YAP1: variants seen among roughly 807,000 people sequenced by gnomAD.
YAP1 encodes transcriptional coactivator YAP1.
YAP1 carries 5 observed loss-of-function variants against 56.9 expected under a neutral mutation model. The observed-to-expected ratio is 0.09, with a 90% CI of 0.05 to 0.18. The LOEUF is 0.18. Among genes scored for constraint, YAP1 ranks in the 10% least tolerant of loss-of-function variants. The pLI, the probability that YAP1 is intolerant of heterozygous loss-of-function variation, is 1.00. For missense variants in YAP1, 539 were observed against 651.8 expected (o/e 0.83, Z 1.88); for synonymous variants, 265 against 248.1 (o/e 1.07, Z -0.64).
intron 3 of YAP1, among the ~76,000 whole-genome samples, chr11:102,185,172 G>A (rs938997394): frequency 6.6e-6 from 1 of 152,160 alleles, no homozygotes; most frequent in African/African-American, 2.4e-5. Context: ...GAGGGACAAG[G>A]AAATCAGGAA....
At chr11:102,195,933 G>A (rs2135551381) in intron 4 of YAP1, among the ~76,000 whole-genome samples, 1 of 152,294 alleles carries the variant, frequency 6.6e-6, no homozygotes, top group East Asian at 1.9e-4. Context: ...GTTAGAGCAG[G>A]TGAACTGTCC....
At chr11:102,189,492 A>G (rs1948163269) in intron 4 of YAP1, among the ~76,000 whole-genome samples, 1 of 152,202 alleles carries the variant, frequency 6.6e-6, no homozygotes, top group Non-Finnish European at 1.5e-5. Context: ...GGATAAAAAT[A>G]TTTGGTGTAA....
intron 6 of YAP1, among the ~76,000 whole-genome samples, chr11:102,217,780 C>T (rs994092775): frequency 6.6e-6 from 1 of 151,954 alleles, no homozygotes; most frequent in African/African-American, 2.4e-5. Flanking sequence ...ACCTCTGCCT[C>T]CCGGGTTCAA....
intron 6 of YAP1, among the ~76,000 whole-genome samples, chr11:102,223,122 C>T (rs1190310554): frequency 2.6e-5 from 4 of 151,748 alleles, no homozygotes; most frequent in Non-Finnish European, 5.9e-5. Context: ...GTGGTGCGTG[C>T]CTGTAGTCCC....
chr11:102,184,258 C>T (rs1959051344), intron 3 of YAP1, among the ~76,000 whole-genome samples: 1 of 152,124 alleles, frequency 6.6e-6, no homozygotes, highest in South Asian at 2.1e-4. Context: ...ATAATTCAGC[C>T]ATTTTACAGT....
chr11:102,183,491 C>T (rs1427298721), intron 3 of YAP1, among the ~76,000 whole-genome samples: 3 of 152,092 alleles, frequency 2.0e-5, no homozygotes, highest in African/African-American at 7.2e-5. Flanking sequence ...GAAGAGATGA[C>T]AAGCCAGTTA....
chr11:102,204,050 C>G (rs1949004567), intron 4 of YAP1, among the ~76,000 whole-genome samples: 1 of 151,682 alleles, frequency 6.6e-6, no homozygotes, highest in Non-Finnish European at 1.5e-5. Context: ...TGTAATATTC[C>G]TCTCTTTAAT....
Position 102,164,587 on chromosome 11 carries a change from G to A in YAP1, c.688+2016G>A, listed in dbSNP as rs540816300. Among the ~76,000 whole-genome samples the A allele has an allele frequency of 7.1e-4, 108 of 152,264 alleles. 2 individuals are homozygous for A. The South Asian group carries it at 8.9e-3, about 13-fold the overall frequency. On this transcript the variant is annotated intron_variant, in intron 3 of 8. Coordinates refer to ENST00000282441, the MANE Select transcript of YAP1 (RefSeq NM_001130145.3). ...TATTTCGCGTCTAACAAGGTTGATT[G>A]TAATTCTTTTAGAACATTGCTTTGG...
At chr11:102,157,168 TATC>T (rs1316655705) in intron 2 of YAP1, among the ~76,000 whole-genome samples, 4 of 152,220 alleles carry the variant, frequency 2.6e-5, no homozygotes, top group African/African-American at 9.6e-5. Flanking sequence ...GAAACCATAT[TATC>T]ATAGAGGCAA....
intron 2 of YAP1, among the ~76,000 whole-genome samples, chr11:102,121,785 A>G (rs1418224623): frequency 6.6e-6 from 1 of 151,946 alleles, no homozygotes; most frequent in Non-Finnish European, 1.5e-5. Context: ...AATAAGGTAT[A>G]TTATTTTTTT....
At chr11:102,223,181 G>A (rs1950028532) in intron 6 of YAP1, among the ~76,000 whole-genome samples, 1 of 151,150 alleles carries the variant, frequency 6.6e-6, no homozygotes, top group South Asian at 2.1e-4. Flanking sequence ...CCAGGAGGCG[G>A]AGGTTGCAGT....
chr11:102,220,307 C>T (rs565468309), intron 6 of YAP1, among the ~76,000 whole-genome samples: 2 of 152,080 alleles, frequency 1.3e-5, no homozygotes, highest in Admixed American at 6.5e-5. Context: ...AAACAACTGA[C>T]CAAGAACAAA....
intron 2 of YAP1, among the ~76,000 whole-genome samples, chr11:102,125,927 T>C (rs73577866): frequency 0.023 from 3,566 of 152,130 alleles, 162 homozygotes; most frequent in African/African-American, 0.082. Flanking sequence ...TAATTTCCTC[T>C]TTTAGCAGCC....
chr11:102,146,487 C>T (rs1175726852), intron 2 of YAP1, among the ~76,000 whole-genome samples: 1 of 152,198 alleles, frequency 6.6e-6, no homozygotes, highest in Non-Finnish European at 1.5e-5. Flanking sequence ...GCTACTTACC[C>T]TGAGAAGGTC....
At chr11:102,152,811 G>T (rs1432079364) in intron 2 of YAP1, among the ~76,000 whole-genome samples, 1 of 152,166 alleles carries the variant, frequency 6.6e-6, no homozygotes, top group Non-Finnish European at 1.5e-5. Flanking sequence ...GTAATTAAAG[G>T]GAAACTTAAC....
At chr11:102,131,136 A>T (rs912412547) in intron 2 of YAP1, among the ~76,000 whole-genome samples, 6 of 152,184 alleles carry the variant, frequency 3.9e-5, no homozygotes, top group African/African-American at 1.4e-4. Context: ...AAAAAGACCC[A>T]CATGGTTCGG....
intron 2 of YAP1, among the ~76,000 whole-genome samples, chr11:102,132,759 C>T (rs561430916): frequency 1.3e-5 from 2 of 152,144 alleles, no homozygotes; most frequent in African/African-American, 2.4e-5. Flanking sequence ...GAATATAAAC[C>T]GTTTACACAC....
chr11:102,214,091 A>G (rs1422589763), intron 6 of YAP1, among the ~76,000 whole-genome samples: 1 of 152,184 alleles, frequency 6.6e-6, no homozygotes, highest in East Asian at 1.9e-4. Flanking sequence ...AAAGAAAATT[A>G]GAGAATTCTT....
intron 2 of YAP1, among the ~76,000 whole-genome samples, chr11:102,118,963 A>C (rs1401048508): frequency 6.6e-6 from 1 of 152,066 alleles, no homozygotes; most frequent in African/African-American, 2.4e-5. Flanking sequence ...AAAAGCTTGT[A>C]ATTTTGCCAT....
Sources: gnomAD v4.1 joint callset for allele counts (sites outside exome capture counted in the v4.1 genomes callset) on GRCh38, gnomAD v4.1.1 for gene constraint, MANE v1.5 for transcripts, NCBI Gene and HGNC (gene_info 2026-07-23, HGNC 2026-07-21) for gene names.